Variants in NRCAM observed in about 807,000 individuals in gnomAD.
NRCAM encodes the protein NgCAM-related cell adhesion molecule.
In NRCAM, 83 loss-of-function variants were observed where a neutral mutation model predicts 156.5. The observed-to-expected ratio is 0.53, with a 90% CI of 0.44 to 0.64. The LOEUF is 0.64. Ranked by LOEUF, NRCAM falls within the 30% of genes least tolerant of loss-of-function variation. The probability of loss-of-function intolerance (pLI) is 0.00; values close to 1 mark genes in which losing one functional copy is unlikely to be tolerated. For missense variants in NRCAM, 1,417 were observed against 1,597.3 expected (o/e 0.89, Z 1.92); for synonymous variants, 538 against 563.9 (o/e 0.95, Z 0.65).
At chr7:108,373,356 A>G (rs922253360) in intron 2 of NRCAM, among the ~76,000 whole-genome samples, 2 of 152,170 alleles carry the variant, frequency 1.3e-5, no homozygotes, top group African/African-American at 4.8e-5. Flanking sequence ...TGTTCTTACT[A>G]TAATAAGAGA....
chr7:108,186,944 C>A (rs1000251399), intron 20 of NRCAM, among the ~76,000 whole-genome samples: 2 of 152,122 alleles, frequency 1.3e-5, no homozygotes, highest in African/African-American at 4.8e-5. Flanking sequence ...TAAAGTTGAA[C>A]CTGTAATCTG....
At chr7:108,408,202 T>C (rs1790869699) in intron 1 of NRCAM, among the ~76,000 whole-genome samples, 2 of 152,230 alleles carry the variant, frequency 1.3e-5, no homozygotes, top group South Asian at 4.1e-4. Context: ...TTGCCTATCG[T>C]GTACTAGGTA....
intron 8 of NRCAM, among the ~76,000 whole-genome samples, chr7:108,227,110 G>A (rs967488502): frequency 6.6e-6 from 1 of 152,060 alleles, no homozygotes; most frequent in Admixed American, 6.6e-5. Context: ...TCCTGCACTA[G>A]AATTTAAGCT....
intron 2 of NRCAM, among the ~76,000 whole-genome samples, chr7:108,373,060 T>A (rs966711451): frequency 6.6e-6 from 1 of 152,080 alleles, no homozygotes; most frequent in Non-Finnish European, 1.5e-5. Context: ...TGGATGAACA[T>A]TGAGGACATT....
intron 1 of NRCAM, among the ~76,000 whole-genome samples, chr7:108,451,167 C>G (rs1050471059): frequency 1.3e-5 from 2 of 150,172 alleles, no homozygotes; most frequent in East Asian, 2.0e-4. Context: ...TGCAGTGAGC[C>G]GAGACTGCAG....
At chr7:108,402,300 G>C (rs977727638) in intron 1 of NRCAM, among the ~76,000 whole-genome samples, 1 of 152,078 alleles carries the variant, frequency 6.6e-6, no homozygotes, top group Non-Finnish European at 1.5e-5. Context: ...TATTTGTACA[G>C]CATTGTTATT....
intron 3 of NRCAM, among the ~76,000 whole-genome samples, chr7:108,276,757 T>C (rs995771099): frequency 6.6e-6 from 1 of 152,204 alleles, no homozygotes; most frequent in Non-Finnish European, 1.5e-5. Context: ...TATTGTTAGG[T>C]GTGAATTTGA....
At chr7:108,236,480 G>C (rs1278124826) in intron 5 of NRCAM, among the ~76,000 whole-genome samples, 2 of 151,938 alleles carry the variant, frequency 1.3e-5, no homozygotes, top group Non-Finnish European at 2.9e-5. Context: ...CAGTTTCCAA[G>C]GTGGCCTGAT....
At chr7:108,233,974 A>G (rs991733213) in intron 6 of NRCAM, among the ~76,000 whole-genome samples, 1 of 152,158 alleles carries the variant, frequency 6.6e-6, no homozygotes, top group African/African-American at 2.4e-5. Context: ...CAACTCTAAA[A>G]TGCTTTGCAG....
intron 11 of NRCAM, among the ~76,000 whole-genome samples, chr7:108,212,635 T>C (rs546432315): frequency 2.6e-5 from 4 of 152,060 alleles, no homozygotes; most frequent in Admixed American, 1.3e-4. Context: ...ACTGAACAAG[T>C]AGAAGAGAGA....
At chr7:108,339,021 T>A (rs2099243389) in intron 2 of NRCAM, among the ~76,000 whole-genome samples, 1 of 152,364 alleles carries the variant, frequency 6.6e-6, no homozygotes, top group South Asian at 2.1e-4. Context: ...CAGTTCAGAA[T>A]TATTCTAAGT....
intron 2 of NRCAM, among the ~76,000 whole-genome samples, chr7:108,343,889 C>A: frequency 6.6e-6 from 1 of 152,160 alleles, no homozygotes; most frequent in Admixed American, 6.5e-5. Flanking sequence ...GTATCTTTAA[C>A]CTCCTTGTTA....
intron 2 of NRCAM, among the ~76,000 whole-genome samples, chr7:108,315,502 CA>C (rs1563229967): frequency 1.3e-5 from 2 of 152,116 alleles, no homozygotes; most frequent in African/African-American, 4.8e-5. Context: ...AAATACATTC[CA>C]AAAAACAGAC....
chr7:108,336,500 C>T (rs748609666), intron 2 of NRCAM, among the ~76,000 whole-genome samples: 15 of 152,274 alleles, frequency 9.9e-5, no homozygotes, highest in South Asian at 8.3e-4. Flanking sequence ...GTATTGATTA[C>T]GAATATGTTA....
intron 3 of NRCAM, among the ~76,000 whole-genome samples, chr7:108,298,711 C>G (rs1592239916): frequency 1.3e-5 from 2 of 151,402 alleles, no homozygotes; most frequent in East Asian, 3.9e-4. Context: ...AACAACAAAC[C>G]CAAACCTTCC....
intron 28 of NRCAM, among the ~76,000 whole-genome samples, chr7:108,172,357 C>T (rs898591880): frequency 6.6e-6 from 1 of 152,104 alleles, no homozygotes; most frequent in Non-Finnish European, 1.5e-5. Context: ...TGGCTCAGTG[C>T]AGCCTCCAGC....
At chr7:108,211,303 G>C (rs888189) in intron 11 of NRCAM, among the ~76,000 whole-genome samples, 83,127 of 151,876 alleles carry the variant, frequency 0.55, 23,132 homozygotes, top group East Asian at 0.81. Context: ...AGGGCAGCCA[G>C]AGGTGTGGGG....
chr7:108,417,084 A>G (rs1802474798), intron 1 of NRCAM, among the ~76,000 whole-genome samples: 1 of 152,204 alleles, frequency 6.6e-6, no homozygotes, highest in African/African-American at 2.4e-5. Flanking sequence ...TAAGTGATTG[A>G]ATGTCTCATG....
intron 10 of NRCAM, 98 bp downstream of exon 10, chr7:108,225,547 C>G: frequency 1.3e-6 from 1 of 793,598 alleles, no homozygotes; most frequent in Non-Finnish European, 2.2e-6. Flanking sequence ...AACTAGAAAT[C>G]TCATAAAGAA....
Sources: gnomAD v4.1 joint callset for allele counts (sites outside exome capture counted in the v4.1 genomes callset) on GRCh38, gnomAD v4.1.1 for gene constraint, MANE v1.5 for transcripts, NCBI Gene and HGNC (gene_info 2026-07-23, HGNC 2026-07-21) for gene names.